Variants in SOCS5 observed in about 807,000 individuals in gnomAD.
SOCS5 encodes suppressor of cytokine signaling 5.
Under a neutral mutation model 42.8 loss-of-function variants are expected in SOCS5, and 32 were observed. The observed-to-expected ratio is 0.75, with a 90% CI of 0.56 to 1.01. The LOEUF is 1.01. Ranked by LOEUF, SOCS5 falls within the 50% of genes least tolerant of loss-of-function variation. The pLI, the probability that SOCS5 is intolerant of heterozygous loss-of-function variation, is 0.00. For missense variants in SOCS5, 627 were observed against 653.0 expected (o/e 0.96, Z 0.43); for synonymous variants, 283 against 229.6 (o/e 1.23, Z -2.10).
In SOCS5 at chr2:46,748,500, T is replaced by C. The variant is rs576516801; in HGVS notation, c.-12-10019T>C. Among the ~76,000 whole-genome samples, 492 of 152,268 alleles carry C rather than the reference T, an allele frequency of 3.2e-3. 3 individuals are homozygous for C. The highest frequency in any genetic ancestry group is 0.011 in the African/African-American group (470 of 41,550). On this transcript the variant is annotated intron_variant, in intron 1 of 1. Transcript: ENST00000394861. The stretch of plus-strand genomic sequence containing the variant: ...CTGTGTCTGGACAAATTTTCCTTTT[T>C]CTTATGGTGTCAGGGAGGGTAGATC...
chr2:46,760,253 T>C lies in SOCS5; in HGVS notation c.*112T>C, dbSNP rs1221452027. On this transcript the variant is annotated 3_prime_UTR_variant, in exon 2 of 2. Transcript: ENST00000394861. ...AGGCTTTTTCATACAGTATGTAAGC[T>C]TAGTGTTAGTATCTGTCAGATGCTA... The C allele has an allele frequency of 4.5e-5, 33 of 739,732 alleles. No individual in the cohort carries two copies. The highest frequency in any genetic ancestry group is 6.8e-5 in the Non-Finnish European group (30 of 442,646). 45.8% of individuals were successfully genotyped at this position (739,732 alleles called of 1,614,324 possible). A position where few individuals can be genotyped will look rare whatever the true frequency, so the allele number is the denominator to read the frequency against.
chr2:46,745,931 A>G (rs1364395351), intron 1 of SOCS5, among the ~76,000 whole-genome samples: 1 of 152,194 alleles, frequency 6.6e-6, no homozygotes, highest in Non-Finnish European at 1.5e-5. Context: ...AGATGGCATA[A>G]TTCCAACTAT....
At chr2:46,710,939 G>A (rs1200260868) in intron 1 of SOCS5, among the ~76,000 whole-genome samples, 2 of 152,166 alleles carry the variant, frequency 1.3e-5, no homozygotes, top group South Asian at 4.1e-4. Context: ...GAGTCATGCA[G>A]TATGTACTCT....
intron 1 of SOCS5, among the ~76,000 whole-genome samples, chr2:46,736,764 T>C (rs1312013301): frequency 6.6e-6 from 1 of 152,178 alleles, no homozygotes; most frequent in Non-Finnish European, 1.5e-5. Flanking sequence ...AAACACCTAT[T>C]ACCCACAAAC....
intron 1 of SOCS5, among the ~76,000 whole-genome samples, chr2:46,739,441 C>T (rs1024783553): frequency 6.6e-6 from 1 of 152,172 alleles, no homozygotes; most frequent in Non-Finnish European, 1.5e-5. Flanking sequence ...TCTTTGTTGT[C>T]TGTCTTGCGT....
At chr2:46,755,663 A>C (rs1187041003) in intron 1 of SOCS5, among the ~76,000 whole-genome samples, 1 of 152,234 alleles carries the variant, frequency 6.6e-6, no homozygotes, top group Non-Finnish European at 1.5e-5. Flanking sequence ...GAATCAATGC[A>C]ATTGAAATTT....
intron 1 of SOCS5, among the ~76,000 whole-genome samples, chr2:46,735,966 A>G (rs1286541836): frequency 6.6e-6 from 1 of 151,968 alleles, no homozygotes; most frequent in East Asian, 1.9e-4. Context: ...CAAAACATAA[A>G]ATTTGCCATT....
intron 1 of SOCS5, among the ~76,000 whole-genome samples, chr2:46,737,874 G>A (rs1210626889): frequency 2.0e-5 from 3 of 151,912 alleles, no homozygotes; most frequent in African/African-American, 4.8e-5. Flanking sequence ...AAAAAAATTG[G>A]GATGTAAATT....
chr2:46,735,786 T>C (rs970819080), intron 1 of SOCS5, among the ~76,000 whole-genome samples: 4 of 152,058 alleles, frequency 2.6e-5, no homozygotes, highest in Non-Finnish European at 5.9e-5. Context: ...TATGTAGACA[T>C]TGATGTCTTT....
intron 1 of SOCS5, among the ~76,000 whole-genome samples, chr2:46,716,482 CTAAT>C (rs1231249691): frequency 7.3e-5 from 10 of 137,448 alleles, no homozygotes; most frequent in African/African-American, 1.3e-4. Flanking sequence ...ATTTAATTAA[CTAAT>C]TAATTAATTA....
chr2:46,735,082 A>G (rs1348996798), intron 1 of SOCS5, among the ~76,000 whole-genome samples: 1 of 152,176 alleles, frequency 6.6e-6, no homozygotes, highest in Non-Finnish European at 1.5e-5. Context: ...GATCCCCTGC[A>G]TTAGTTAGGA....
At position 46,759,607 on chromosome 2, in the gene SOCS5, C is replaced by A; in HGVS notation, c.1077C>A (p.Val359=). Residue 359 remains valine, a synonymous_variant, in exon 2 of 2, where the codon GTC becomes GTA. Transcript: ENST00000394861. The part of the protein sequence containing the change: ...THVSRQGAWK[V]HTQIDYIHCL... ...TTAGCAGACAGGGAGCTTGGAAAGT[C>A]CACACACAGATTGATTACATACACT... The A allele has an allele frequency of 6.2e-7, 1 of 1,613,966 alleles. No individual in the cohort carries two copies. Among genetic ancestry groups the A allele is most frequent in the Non-Finnish European group, 8.5e-7 (1 of 1,179,862 alleles).
chr2:46,719,474 A>G (rs1308860677), intron 1 of SOCS5, among the ~76,000 whole-genome samples: 1 of 152,040 alleles, frequency 6.6e-6, no homozygotes. Flanking sequence ...CTTTTTTTCT[A>G]GAGCTGGTTT....
chr2:46,718,806 C>T (rs960273978), intron 1 of SOCS5, among the ~76,000 whole-genome samples: 4 of 152,090 alleles, frequency 2.6e-5, no homozygotes, highest in Admixed American at 1.3e-4. Context: ...AGGTCTCTCA[C>T]ATAGAAAAGA....
chr2:46,716,051 C>T (rs550203038), intron 1 of SOCS5, among the ~76,000 whole-genome samples: 75 of 149,512 alleles, frequency 5.0e-4, no homozygotes, highest in Non-Finnish European at 8.6e-4. Context: ...TTGTTAATAG[C>T]TTCTTTGTCT....
In SOCS5 at chr2:46,760,695, T is replaced by A. The variant is rs1176028211; in HGVS notation, c.*554T>A. 3 of 167,224 alleles carry A rather than the reference T, an allele frequency of 1.8e-5. No homozygotes were observed. Among genetic ancestry groups the A allele is most frequent in the African/African-American group, 7.2e-5 (3 of 41,464 alleles). The allele number at this position is 167,224 out of a possible 1,614,324, so 10.4% of individuals were successfully genotyped here. ...ACTTACGTGTTGATGTAGTTTATAA[T>A]CAGACGCCTTTTCTCTTCTGCAAAA... On this transcript the variant is annotated 3_prime_UTR_variant, in exon 2 of 2. Coordinates refer to ENST00000394861, the MANE Select transcript of SOCS5 (RefSeq NM_144949.3).
At position 46,759,861 on chromosome 2, in the gene SOCS5, C is replaced by T. The variant is rs1239770464; in HGVS notation, c.1331C>T (p.Pro444Leu). Residue 444 changes from proline (P) to leucine (L), a missense_variant, in exon 2 of 2, where the codon CCG (proline) becomes CTG (leucine). This residue lies in a region of SOCS5 where 340 missense variants were observed against 367.6 expected (regional missense o/e 0.92). Coordinates refer to ENST00000394861, the MANE Select transcript of SOCS5 (RefSeq NM_144949.3). The stretch of plus-strand genomic sequence containing the variant: ...AACTTTAGTTTCGACGCCCATGACC[C>T]GTGTGTATTTCACTCCTCCACTGTA... The part of the protein sequence containing the change: ...NHNFSFDAHD[P>L]CVFHSSTVTG... The T allele has an allele frequency of 1.2e-6, 2 of 1,614,132 alleles. No individual in the cohort carries two copies. The highest frequency in any genetic ancestry group is 1.7e-6 in the Non-Finnish European group (2 of 1,180,022).
At chr2:46,701,149 C>T (rs189123790) in intron 1 of SOCS5, among the ~76,000 whole-genome samples, 12 of 152,264 alleles carry the variant, frequency 7.9e-5, no homozygotes, top group Non-Finnish European at 1.5e-5. Context: ...ATATTGAAAC[C>T]TAACACCTTT....
intron 1 of SOCS5, among the ~76,000 whole-genome samples, chr2:46,707,280 G>A (rs142413235): frequency 2.0e-5 from 3 of 152,250 alleles, no homozygotes; most frequent in African/African-American, 2.4e-5. Flanking sequence ...TAGTTGAAAC[G>A]TTTTAATCAT....
Sources: allele counts gnomAD v4.1 joint callset (sites outside exome capture counted in the v4.1 genomes callset), GRCh38; gene constraint gnomAD v4.1.1; regional missense constraint gnomAD v4.1.1; transcripts MANE v1.5; gene names NCBI Gene and HGNC (gene_info 2026-07-23, HGNC 2026-07-21).